Variants in METTL6 observed in about 807,000 individuals in gnomAD.
METTL6 encodes the protein tRNA N(3)-cytidine methyltransferase METTL6.
In METTL6, 22 loss-of-function variants were observed where a neutral mutation model predicts 26.4. The observed-to-expected ratio is 0.83, with a 90% CI of 0.59 to 1.19. The LOEUF is 1.19. Among genes scored for constraint, METTL6 ranks in the 50% most tolerant of loss-of-function variants. The probability of loss-of-function intolerance (pLI) is 0.00; values close to 1 mark genes in which losing one functional copy is unlikely to be tolerated. For synonymous variants in METTL6, 109 were observed against 116.2 expected (o/e 0.94, Z 0.40); for missense variants, 304 against 324.8 (o/e 0.94, Z 0.49).
chr3:15,389,124 G>A (rs1412615582), intron 6 of METTL6, among the ~76,000 whole-genome samples: 1 of 151,702 alleles, frequency 6.6e-6, no homozygotes, highest in African/African-American at 2.4e-5. Flanking sequence ...CCAAAGTGCT[G>A]GGATTACACG....
At chr3:15,425,776 C>T (rs1444913093) in intron 2 of METTL6, among the ~76,000 whole-genome samples, 1 of 152,094 alleles carries the variant, frequency 6.6e-6, no homozygotes, top group Non-Finnish European at 1.5e-5. Context: ...ATAGAAAACA[C>T]CCACTAAAGT....
At chr3:15,413,885 T>C (rs771222187) in intron 5 of METTL6, 136 bp downstream of exon 5, 2 of 1,534,656 alleles carry the variant, frequency 1.3e-6, no homozygotes, top group East Asian at 2.5e-5. Context: ...GGGTAAATAT[T>C]GTGCAGTAGA....
At chr3:15,411,788 A>T (rs1699978516) in intron 5 of METTL6, among the ~76,000 whole-genome samples, 1 of 151,618 alleles carries the variant, frequency 6.6e-6, no homozygotes, top group East Asian at 1.9e-4. Flanking sequence ...TTTTTGAGAC[A>T]CAATGTCACT....
chr3:15,407,932 T>C (rs1347518077), downstream of METTL6, among the ~76,000 whole-genome samples: 1 of 152,174 alleles, frequency 6.6e-6, no homozygotes, highest in African/African-American at 2.4e-5. Context: ...CTGAACTTGA[T>C]CTTGTTTCCT....
At chr3:15,389,019 CCAGCT>C (rs1358840347) in intron 6 of METTL6, among the ~76,000 whole-genome samples, 1 of 151,962 alleles carries the variant, frequency 6.6e-6, no homozygotes, top group African/African-American at 2.4e-5. Flanking sequence ...GCCACCATGC[CCAGCT>C]AATTTTTTTT....
At chr3:15,400,251 G>C (rs1575400821) in intron 6 of METTL6, among the ~76,000 whole-genome samples, 2 of 151,822 alleles carry the variant, frequency 1.3e-5, no homozygotes, top group African/African-American at 2.4e-5. Flanking sequence ...TGCAGCACCA[G>C]ATGTACCCTC....
At chr3:15,418,175 G>A (rs1372889278) in intron 3 of METTL6, among the ~76,000 whole-genome samples, 2 of 152,150 alleles carry the variant, frequency 1.3e-5, no homozygotes, top group East Asian at 3.9e-4. Context: ...ATCCCAGAAG[G>A]CAAAAAACAT....
intron 6 of METTL6, among the ~76,000 whole-genome samples, chr3:15,403,092 T>TA (rs35059997): frequency 0.021 from 3,129 of 152,300 alleles, 92 homozygotes; most frequent in African/African-American, 0.069. Context: ...TTCTCACTGT[T>TA]ACATTTTGCA....
chr3:15,423,450 G>A (rs2061649949), intron 3 of METTL6, among the ~76,000 whole-genome samples: 1 of 152,168 alleles, frequency 6.6e-6, no homozygotes, highest in Non-Finnish European at 1.5e-5. Context: ...GTGCTTGACT[G>A]GATTATAAAC....
chr3:15,409,111 A>G (rs992112774), downstream of METTL6, among the ~76,000 whole-genome samples: 2 of 152,176 alleles, frequency 1.3e-5, no homozygotes, highest in African/African-American at 4.8e-5. Flanking sequence ...GACAGATGGC[A>G]GAATCACAAC....
In METTL6 at chr3:15,404,509, ATTTTTTTT is replaced by A. The variant is rs34073251; in HGVS notation, c.*11+6728_*11+6735del. Reference sequence around the variant, plus strand: ...AGATGCGCACCATCATGCCCAGCTAATTTTTTTTTTTTTTTTTTTTAAGTAGAGACAGG... The same window carrying A: ...AGATGCGCACCATCATGCCCAGCTAATTTTTTTTTTTTAAGTAGAGACAGG... On this transcript the variant is annotated intron_variant, in intron 6 of 6. Coordinates refer to the METTL6 transcript ENST00000443029. Among the ~76,000 whole-genome samples, 4 of 133,280 alleles carry A rather than the reference ATTTTTTTT, an allele frequency of 3.0e-5. No homozygotes were observed. The East Asian group carries it at 6.5e-4, about 22-fold the overall frequency. The allele number at this position is 133,280 out of a possible 152,430, so 87.4% of individuals were successfully genotyped here.
At chr3:15,400,074 T>C (rs950164728) in intron 6 of METTL6, among the ~76,000 whole-genome samples, 2 of 152,008 alleles carry the variant, frequency 1.3e-5, no homozygotes, top group Admixed American at 6.6e-5. Context: ...GAAGAGGAGA[T>C]TGTGGGTCGA....
intron 6 of METTL6, among the ~76,000 whole-genome samples, chr3:15,390,952 T>C (rs1046462483): frequency 6.6e-6 from 1 of 152,056 alleles, no homozygotes; most frequent in Non-Finnish European, 1.5e-5. Context: ...AGGATTTTAC[T>C]GGGCGATCAA....
In METTL6 at chr3:15,384,101, G is replaced by C. The variant is rs556230639; in HGVS notation, c.*98C>G. On this transcript the variant is annotated 3_prime_UTR_variant, in exon 7 of 7. Transcript: ENST00000443029. The stretch of plus-strand genomic sequence containing the variant: ...CTATACTGAAAACAATATCATACTG[G>C]AAGATTATTTTCTGTGGTTCATATA... The C allele has an allele frequency of 3.3e-4, 134 of 405,560 alleles. 2 individuals carry two copies. The highest frequency in any genetic ancestry group is 2.2e-3 in the South Asian group (130 of 57,870). 25.1% of individuals were successfully genotyped at this position (405,560 alleles called of 1,614,324 possible). A position where few individuals can be genotyped will look rare whatever the true frequency, so the allele number is the denominator to read the frequency against.
chr3:15,411,890 G>A (rs911364324), intron 5 of METTL6, among the ~76,000 whole-genome samples: 6 of 151,964 alleles, frequency 3.9e-5, no homozygotes, highest in Non-Finnish European at 7.4e-5. Context: ...AGCCTCTTAA[G>A]TAGCTGGGAC....
intron 6 of METTL6, among the ~76,000 whole-genome samples, chr3:15,388,097 T>TGTC (rs1699245821): frequency 7.6e-6 from 1 of 130,806 alleles, no homozygotes; most frequent in Admixed American, 7.1e-5. Context: ...GTTTTGTTGT[T>TGTC]GTTGTTGTTG....
At position 15,414,047 on chromosome 3, in the gene METTL6, C is replaced by T; in HGVS notation, c.647G>A (p.Gly216Glu). 1 of 1,614,084 alleles carries T rather than the reference C, an allele frequency of 6.2e-7. No homozygotes were observed. The highest frequency in any genetic ancestry group is 2.2e-5 in the East Asian group (1 of 44,878). Reference protein sequence around the residue: ...LGENFYVRQDGTRSYFFTDDF... With the variant: ...LGENFYVRQDETRSYFFTDDF... ...ATCAGTAAAAAAATATGATCTGGTC[C>T]CATCTTGTCTAACATAAAAGTTTTC... Residue 216 changes from glycine to glutamate, a missense_variant, in exon 5 of 6, where the codon GGG becomes GAG. Gly to Glu is a moderately conservative substitution (Grantham distance 98). Coordinates refer to ENST00000383790, the MANE Select transcript of METTL6 (RefSeq NM_152396.4).
downstream of METTL6, among the ~76,000 whole-genome samples, chr3:15,405,498 T>C (rs1699760994): frequency 6.6e-6 from 1 of 152,238 alleles, no homozygotes; most frequent in Admixed American, 6.5e-5. Context: ...CTTATGAGCT[T>C]TTAAGTTAAT....
At chr3:15,394,366 C>A (rs1440334761) in intron 6 of METTL6, among the ~76,000 whole-genome samples, 5 of 152,110 alleles carry the variant, frequency 3.3e-5, no homozygotes, top group Non-Finnish European at 7.4e-5. Flanking sequence ...TTTTTTATTG[C>A]ATCTATTTGA....
Sources: gnomAD v4.1 joint callset for allele counts (sites outside exome capture counted in the v4.1 genomes callset) on GRCh38, gnomAD v4.1.1 for gene constraint, MANE v1.5 for transcripts, NCBI Gene and HGNC (gene_info 2026-07-23, HGNC 2026-07-21) for gene names.